The following RABGEF1 variants were observed in gnomAD, a reference collection of about 807,000 sequenced individuals.
RABGEF1 encodes rab5 GDP/GTP exchange factor.
Under a neutral mutation model 57.3 loss-of-function variants are expected in RABGEF1, and 26 were observed. That is an observed-to-expected ratio of 0.45 (90% CI 0.33 to 0.63). The LOEUF (loss-of-function observed/expected upper bound fraction) is 0.63, where lower values mean the gene tolerates loss of function less well. RABGEF1 is among the 20% of genes least tolerant of loss of function. RABGEF1 has a pLI of 0.02. For missense variants in RABGEF1, 464 were observed against 607.6 expected (o/e 0.76, Z 2.48); for synonymous variants, 185 against 210.7 (o/e 0.88, Z 1.06).
At chr7:66,675,586 A>G in the RABGEF1 span, among the ~76,000 whole-genome samples, 3 of 152,316 alleles carry the variant, frequency 2.0e-5, no homozygotes, top group South Asian at 6.2e-4. Flanking sequence ...AGTTCTAGTC[A>G]GGACAATTCA....
intron 1 of RABGEF1, among the ~76,000 whole-genome samples, chr7:66,762,914 A>G (rs577618732): frequency 3.9e-5 from 6 of 152,356 alleles, no homozygotes; most frequent in African/African-American, 1.4e-4. Flanking sequence ...GGGCCACAGC[A>G]TTCCTCACTT....
chr7:66,662,705 TTGAGTG>T, the RABGEF1 span, among the ~76,000 whole-genome samples: 31 of 150,492 alleles, frequency 2.1e-4, 1 homozygote, highest in Non-Finnish European at 5.9e-5. Context: ...CAGGAAGAGT[TTGAGTG>T]TGTAGGCGTG....
intron 7 of RABGEF1, among the ~76,000 whole-genome samples, chr7:66,801,700 G>A (rs547475789): frequency 5.1e-4 from 78 of 152,250 alleles, no homozygotes; most frequent in Non-Finnish European, 6.5e-4. Context: ...CCATGTTGTT[G>A]CAAATGACTG....
chr7:66,722,186 A>C (rs1316793197), intron 2 of RABGEF1, among the ~76,000 whole-genome samples: 5 of 152,160 alleles, frequency 3.3e-5, no homozygotes. Flanking sequence ...TCACGCCTGT[A>C]ATCCCAGCAC....
chr7:66,805,011 C>A (rs762156726), intron 7 of RABGEF1, 129 bp from the exon 8 acceptor site: 216 of 1,053,316 alleles, frequency 2.1e-4, no homozygotes, highest in Non-Finnish European at 2.7e-4. Flanking sequence ...TTATTATATA[C>A]TAAGTTAACT....
chr7:66,734,504 C>G (rs1470125873), intron 2 of RABGEF1, among the ~76,000 whole-genome samples: 5 of 151,934 alleles, frequency 3.3e-5, no homozygotes, highest in Non-Finnish European at 7.4e-5. Context: ...CTATGTTGGC[C>G]AGGCTGGTCT....
At chr7:66,730,535 A>T (rs948530184) in intron 2 of RABGEF1, among the ~76,000 whole-genome samples, 2 of 150,582 alleles carry the variant, frequency 1.3e-5, no homozygotes, top group Non-Finnish European at 3.0e-5. Flanking sequence ...GCTCATTCAC[A>T]TATAGCACTT....
At chr7:66,737,093 CGA>C (rs141745026), upstream of RABGEF1, among the ~76,000 whole-genome samples, 723 of 126,922 alleles carry the variant, frequency 5.7e-3, 3 homozygotes, top group African/African-American at 0.01. Flanking sequence ...AGAGCGAGAG[CGA>C]GAGAGAGAGA....
chr7:66,657,716 G>A, the RABGEF1 span, among the ~76,000 whole-genome samples: 1 of 152,154 alleles, frequency 6.6e-6, no homozygotes, highest in Non-Finnish European at 1.5e-5. Flanking sequence ...AGCTACTTGG[G>A]AGGCTGGGGC....
At chr7:66,797,535 G>GT (rs1374772581) in intron 6 of RABGEF1, 29 bp downstream of exon 6, 2 of 1,597,626 alleles carry the variant, frequency 1.3e-6, no homozygotes, top group Non-Finnish European at 1.7e-6. Flanking sequence ...TTGCTTTGTA[G>GT]TTACTACCTT....
chr7:66,697,488 T>C (rs1792525839), intron 1 of RABGEF1, among the ~76,000 whole-genome samples: 1 of 151,970 alleles, frequency 6.6e-6, no homozygotes, highest in African/African-American at 2.4e-5. Context: ...AGCCGCCAGC[T>C]CCCCTCCCTT....
At chr7:66,704,879 A>G (rs1424949093) in intron 1 of RABGEF1, among the ~76,000 whole-genome samples, 1 of 152,108 alleles carries the variant, frequency 6.6e-6, no homozygotes, top group Non-Finnish European at 1.5e-5. Context: ...ATGTGCAGAG[A>G]AAACTTTTCA....
intron 7 of RABGEF1, among the ~76,000 whole-genome samples, chr7:66,801,368 T>C (rs1237320822): frequency 1.3e-5 from 2 of 152,162 alleles, no homozygotes; most frequent in African/African-American, 2.4e-5. Flanking sequence ...CTCTGAAGCA[T>C]TTAGCTTTTG....
At chr7:66,722,343 G>A (rs957061151) in intron 2 of RABGEF1, among the ~76,000 whole-genome samples, 4 of 152,232 alleles carry the variant, frequency 2.6e-5, no homozygotes, top group African/African-American at 7.2e-5. Flanking sequence ...AGGAGGCTGA[G>A]GCAGGAGAAT....
intron 1 of RABGEF1, among the ~76,000 whole-genome samples, chr7:66,770,107 C>G (rs1205126225): frequency 6.6e-6 from 1 of 152,184 alleles, no homozygotes; most frequent in African/African-American, 2.4e-5. Flanking sequence ...TCTGCCTGTA[C>G]TTTTGGTTAT....
intron 1 of RABGEF1, among the ~76,000 whole-genome samples, chr7:66,748,184 AAAACTC>A (rs1800666072): frequency 6.6e-6 from 1 of 152,242 alleles, no homozygotes; most frequent in Non-Finnish European, 1.5e-5. Context: ...GTGTGTTAGT[AAAACTC>A]CTTATTGGCT....
intron 1 of RABGEF1, among the ~76,000 whole-genome samples, chr7:66,699,675 G>C (rs1792920957): frequency 6.9e-6 from 1 of 144,800 alleles, no homozygotes; most frequent in Non-Finnish European, 1.5e-5. Flanking sequence ...CTTGGTGACA[G>C]AGCAAAATTC....
At chr7:66,786,203 A>G (rs1259461736) in intron 4 of RABGEF1, among the ~76,000 whole-genome samples, 1 of 152,190 alleles carries the variant, frequency 6.6e-6, no homozygotes, top group African/African-American at 2.4e-5. Context: ...ATATGGGTCA[A>G]GTCTAGAAAA....
intron 1 of RABGEF1, among the ~76,000 whole-genome samples, chr7:66,744,633 A>ACT (rs894614151): frequency 7.0e-6 from 1 of 143,432 alleles, no homozygotes; most frequent in African/African-American, 2.6e-5. Flanking sequence ...GCGCCACTGC[A>ACT]CTCCAGCCTG....
Sources: allele counts gnomAD v4.1 joint callset (sites outside exome capture counted in the v4.1 genomes callset), GRCh38; gene constraint gnomAD v4.1.1; transcripts MANE v1.5; gene names NCBI Gene and HGNC (gene_info 2026-07-23, HGNC 2026-07-21).